Variants in CHD7 observed in about 807,000 individuals in gnomAD.
CHD7 encodes chromodomain helicase DNA binding protein 7, also known as ATP-dependent chromatin remodeler CHD7.
CHD7 carries 24 observed loss-of-function variants against 307.3 expected under a neutral mutation model. That is an observed-to-expected ratio of 0.08 (90% CI 0.06 to 0.11). The LOEUF is 0.11. CHD7 is among the 10% of genes least tolerant of loss of function. CHD7 has a pLI of 1.00. For synonymous variants in CHD7, 1,363 were observed against 1,349.9 expected (o/e 1.01, Z -0.21); for missense variants, 3,106 against 3,727.1 (o/e 0.83, Z 4.34).
intron 2 of CHD7, among the ~76,000 whole-genome samples, 151 bp downstream of exon 2, chr8:60,743,248 T>G (rs1809149496): frequency 6.6e-6 from 1 of 152,260 alleles, no homozygotes; most frequent in South Asian, 2.1e-4. Context: ...ATTTATTTTA[T>G]TCAGGCATCA....
At chr8:60,808,300 TG>T in intron 7 of CHD7, 28 bp downstream of exon 7, 5 of 1,298,170 alleles carry the variant, frequency 3.9e-6, no homozygotes, top group South Asian at 3.8e-5. Flanking sequence ...CTGTTTTTAA[TG>T]GGGGGCTATA....
At chr8:60,726,820 T>C (rs1366929488) in intron 1 of CHD7, among the ~76,000 whole-genome samples, 1 of 152,132 alleles carries the variant, frequency 6.6e-6, no homozygotes, top group Non-Finnish European at 1.5e-5. Context: ...TGGAAGCACA[T>C]CCACTGCTGA....
At chr8:60,734,047 A>T (rs939470484) in intron 1 of CHD7, among the ~76,000 whole-genome samples, 1 of 152,232 alleles carries the variant, frequency 6.6e-6, no homozygotes, top group African/African-American at 2.4e-5. Flanking sequence ...AATTCTTTGA[A>T]TGAAGTCAGT....
At chr8:60,755,382 G>A (rs1213164606) in intron 2 of CHD7, among the ~76,000 whole-genome samples, 3 of 151,978 alleles carry the variant, frequency 2.0e-5, no homozygotes, top group South Asian at 2.1e-4. Context: ...TATTTAGAGC[G>A]AGAAGAGACT....
At position 60,777,259 on chromosome 8, in the gene CHD7, T is replaced by C. The variant is rs113133120; in HGVS notation, c.1666-3741T>C. On this transcript the variant is annotated intron_variant, in intron 2 of 37. Transcript: ENST00000423902. ...AATACATTTGTCTGTAAATAAAATG[T>C]TTATCCTTGGGTGCCCTGTATGACA... 1.9e-3 allele frequency among the ~76,000 whole-genome samples: 297 copies of C among 152,358 alleles called. 1 individual carries two copies. The highest frequency in any genetic ancestry group is 3.4e-3 in the Non-Finnish European group (229 of 68,030).
intron 8 of CHD7, among the ~76,000 whole-genome samples, chr8:60,818,163 A>C (rs1435047150): frequency 2.6e-5 from 4 of 152,162 alleles, no homozygotes; most frequent in African/African-American, 9.7e-5. Context: ...TTCATCCCAT[A>C]CATGATCATG....
rs772257683 is a variant in CHD7 at position 60,742,262 on chromosome 8, C to T, written c.830C>T (p.Pro277Leu). The change falls in exon 2 of 38, where the codon CCG (proline) becomes CTG (leucine). Residue 277 changes from proline (P) to leucine (L), a missense_variant. Pro to Leu is a moderately conservative substitution (Grantham distance 98). This residue lies in a region of CHD7 where 998 missense variants were observed against 1,004.5 expected (regional missense o/e 0.99). Coordinates refer to ENST00000423902, the MANE Select transcript of CHD7 (RefSeq NM_017780.4). ...ESVAHSPRFSPNPPQQGAVRP... is the reference protein window; with the variant it reads ...ESVAHSPRFSLNPPQQGAVRP... ...GTTGCCCACAGTCCCAGATTCTCCC[C>T]GAATCCTCCCCAACAAGGGGCTGTT... 2.5e-5 allele frequency: 40 copies of T among 1,613,748 alleles called. No individual in the cohort carries two copies. The highest frequency in any genetic ancestry group is 1.3e-4 in the Admixed American group (8 of 60,004).
At chr8:60,746,724 T>A (rs1809348062) in intron 2 of CHD7, among the ~76,000 whole-genome samples, 1 of 152,252 alleles carries the variant, frequency 6.6e-6, no homozygotes, top group African/African-American at 2.4e-5. Flanking sequence ...TAAAGATAAG[T>A]TTAACTTTAT....
At chr8:60,701,075 T>C (rs994166449) in intron 1 of CHD7, among the ~76,000 whole-genome samples, 34 of 152,236 alleles carry the variant, frequency 2.2e-4, no homozygotes, top group African/African-American at 7.7e-4. Context: ...GAATCTGTTA[T>C]GTGAAAGTAA....
Position 60,715,356 on chromosome 8 carries a change from C to G in CHD7, c.-174-25903C>G, listed in dbSNP as rs984167271. Among the ~76,000 whole-genome samples, 7 of 134,358 alleles carry G rather than the reference C, an allele frequency of 5.2e-5. No homozygotes were observed. The South Asian group carries it at 1.7e-3, about 33-fold the overall frequency. 88.1% of individuals were successfully genotyped at this position (134,358 alleles called of 152,430 possible). On this transcript the variant is annotated intron_variant, in intron 1 of 37. Transcript: ENST00000423902. ...TTTTTTTTTTTTTTTGGGAGTCTTG[C>G]TTTGTCGCCCAGGCTGGAGTGCAGT...
Position 60,781,301 on chromosome 8 carries a change from C to G in CHD7, c.1967C>G (p.Pro656Arg), listed in dbSNP as rs776871277. 3 of 1,565,574 alleles carry G rather than the reference C, an allele frequency of 1.9e-6. No individual in the cohort carries two copies. The highest frequency in any genetic ancestry group is 2.6e-6 in the Non-Finnish European group (3 of 1,155,906). Reference sequence around the variant, plus strand: ...AAGGCAAAAAAAGACCCGAAGGAACCGAAAGAACCCAAGGAGAAAAAAGAG... The same window carrying G: ...AAGGCAAAAAAAGACCCGAAGGAACGGAAAGAACCCAAGGAGAAAAAAGAG... The part of the protein sequence containing the change: ...RSKAKKDPKE[P>R]KEPKEKKEPK... Residue 656 changes from proline to arginine, a missense_variant, in exon 3 of 38, where the codon CCG becomes CGG. By Grantham distance (103) the Pro-to-Arg change is moderately radical. Around this residue, in one of 10 missense-constraint regions of CHD7, gnomAD observed 998 missense variants for 1,004.5 expected, o/e 0.99. Coordinates refer to ENST00000423902, the MANE Select transcript of CHD7 (RefSeq NM_017780.4).
At chr8:60,781,791 A>G (rs1036037662) in intron 3 of CHD7, among the ~76,000 whole-genome samples, 8 of 152,240 alleles carry the variant, frequency 5.3e-5, no homozygotes, top group Non-Finnish European at 1.0e-4. Flanking sequence ...AAGAAGGATT[A>G]TAGAAGAAAG....
chr8:60,708,866 C>T (rs1026584581), intron 1 of CHD7, among the ~76,000 whole-genome samples: 1 of 152,182 alleles, frequency 6.6e-6, no homozygotes. Flanking sequence ...TATGGGGGCA[C>T]ATGTCCCTAT....
At chr8:60,705,609 C>A (rs1806986781) in intron 1 of CHD7, among the ~76,000 whole-genome samples, 1 of 152,146 alleles carries the variant, frequency 6.6e-6, no homozygotes, top group Non-Finnish European at 1.5e-5. Context: ...CTGAATGTTA[C>A]CAGTTTAATT....
chr8:60,793,282 G>C (rs1811860628), intron 3 of CHD7, among the ~76,000 whole-genome samples: 1 of 151,996 alleles, frequency 6.6e-6, no homozygotes. Flanking sequence ...TATGCTTTCT[G>C]TGGATCTTTC....
At chr8:60,680,112 C>A (rs928114607) in intron 1 of CHD7, among the ~76,000 whole-genome samples, 1 of 151,776 alleles carries the variant, frequency 6.6e-6, no homozygotes, top group Admixed American at 6.5e-5. Context: ...CGCCCCCCAA[C>A]CCGCCGGGGG....
At chr8:60,831,518 C>T (rs551710035) in intron 15 of CHD7, among the ~76,000 whole-genome samples, 1 of 152,044 alleles carries the variant, frequency 6.6e-6, no homozygotes, top group East Asian at 1.9e-4. Context: ...TGCATGGAAC[C>T]TCCACTCTAC....
At chr8:60,790,212 C>T (rs1462939495) in intron 3 of CHD7, among the ~76,000 whole-genome samples, 1 of 152,078 alleles carries the variant, frequency 6.6e-6, no homozygotes. Context: ...ATGGCTCTGT[C>T]TCTCAGTCTC....
At chr8:60,784,356 TAG>T in intron 3 of CHD7, among the ~76,000 whole-genome samples, 1 of 152,164 alleles carries the variant, frequency 6.6e-6, no homozygotes. Flanking sequence ...AGAGCTAAAA[TAG>T]AGGGAATAAA....
Sources: gnomAD v4.1 joint callset for allele counts (sites outside exome capture counted in the v4.1 genomes callset) on GRCh38, gnomAD v4.1.1 for gene constraint, gnomAD v4.1.1 regional missense constraint, MANE v1.5 for transcripts, NCBI Gene and HGNC (gene_info 2026-07-23, HGNC 2026-07-21) for gene names.